CALCRL: variants seen among roughly 807,000 people sequenced by gnomAD.
CALCRL encodes the protein calcitonin gene-related peptide type 1 receptor.
CALCRL carries 27 observed loss-of-function variants against 60.4 expected under a neutral mutation model. The observed-to-expected ratio is 0.45, with a 90% confidence interval of 0.33 to 0.62. CALCRL has a LOEUF of 0.62. Among genes scored for constraint, CALCRL ranks in the 20% least tolerant of loss-of-function variants. CALCRL has a pLI of 0.03. For missense variants in CALCRL, 424 were observed against 540.7 expected, an observed-to-expected ratio of 0.78 and a Z score of 2.14; for synonymous variants, 190 against 182.6, an observed-to-expected ratio of 1.04 and a Z score of -0.33.
chr2:187,438,467 A>G (rs1297040606), intron 1 of CALCRL, among the ~76,000 whole-genome samples: 1 of 152,198 alleles, frequency 6.6e-6, no homozygotes, highest in African/African-American at 2.4e-5. Flanking sequence ...TTTGGCAATT[A>G]AACAGAATTT....
intron 1 of CALCRL, among the ~76,000 whole-genome samples, chr2:187,435,988 G>A (rs1690629064): frequency 6.6e-6 from 1 of 151,856 alleles, no homozygotes; most frequent in African/African-American, 2.4e-5. Flanking sequence ...GAATGATTCA[G>A]ACAGGAAAAA....
intron 1 of CALCRL, among the ~76,000 whole-genome samples, chr2:187,402,963 A>G (rs890559387): frequency 6.6e-6 from 1 of 151,616 alleles, no homozygotes; most frequent in Non-Finnish European, 1.5e-5. Context: ...TCCTTATGAA[A>G]AGAGAAAGAA....
chr2:187,437,334 A>G (rs1325929372), intron 1 of CALCRL, among the ~76,000 whole-genome samples: 10 of 152,316 alleles, frequency 6.6e-5, no homozygotes, highest in African/African-American at 2.4e-4. Flanking sequence ...CGAGATCAGG[A>G]AATCAAGACC....
chr2:187,414,710 C>T (rs1400748714), intron 1 of CALCRL, among the ~76,000 whole-genome samples: 1 of 151,954 alleles, frequency 6.6e-6, no homozygotes, highest in Admixed American at 6.6e-5. Context: ...GAAATACTGA[C>T]ATTGAAGACA....
At chr2:187,370,494 A>G (rs1687473514) in intron 8 of CALCRL, among the ~76,000 whole-genome samples, 1 of 152,212 alleles carries the variant, frequency 6.6e-6, no homozygotes, top group African/African-American at 2.4e-5. Flanking sequence ...ACATTTAATT[A>G]GCTCAAACAG....
intron 1 of CALCRL, among the ~76,000 whole-genome samples, chr2:187,395,813 C>A (rs1428661698): frequency 6.6e-6 from 1 of 151,972 alleles, no homozygotes; most frequent in East Asian, 1.9e-4. Context: ...TCAGTCCCAT[C>A]TCTGTCATTC....
At chr2:187,391,696 C>CA (rs1321222880) in intron 1 of CALCRL, among the ~76,000 whole-genome samples, 1 of 151,928 alleles carries the variant, frequency 6.6e-6, no homozygotes, top group Admixed American at 6.6e-5. Context: ...CTTTACTATG[C>CA]AAAAAGAATT....
At chr2:187,366,731 A>G (rs913185779) in intron 8 of CALCRL, among the ~76,000 whole-genome samples, 4 of 152,086 alleles carry the variant, frequency 2.6e-5, no homozygotes, top group Non-Finnish European at 4.4e-5. Flanking sequence ...ATCCTCTTGT[A>G]TACAGTTAAA....
intron 1 of CALCRL, among the ~76,000 whole-genome samples, chr2:187,408,828 A>G (rs960787799): frequency 3.3e-5 from 5 of 152,144 alleles, no homozygotes; most frequent in African/African-American, 1.2e-4. Flanking sequence ...AATAATATTT[A>G]TAAATGCAGT....
At chr2:187,384,455 T>C (rs1688125220) in intron 4 of CALCRL, among the ~76,000 whole-genome samples, 1 of 152,262 alleles carries the variant, frequency 6.6e-6, no homozygotes, top group Non-Finnish European at 1.5e-5. Context: ...AGTCACAATT[T>C]CTTAATTACA....
At chr2:187,434,405 A>G (rs183964432) in intron 1 of CALCRL, among the ~76,000 whole-genome samples, 78 of 152,288 alleles carry the variant, frequency 5.1e-4, no homozygotes, top group African/African-American at 1.8e-3. Flanking sequence ...GTGACTCATA[A>G]TAAGGAAAAT....
chr2:187,412,817 A>T lies in CALCRL; in HGVS notation c.-292-25061T>A, dbSNP rs550536115. Among the ~76,000 whole-genome samples, 5 of 152,284 alleles carry T rather than the reference A, an allele frequency of 3.3e-5. No individual in the cohort carries two copies. In the South Asian group the frequency reaches 1.0e-3, roughly 32 times the overall value. ...GGTTTTAAAGCCTAGGACATCTCAA[A>T]ATATTTGTCCTTTGGTGACTAATTC... is the stretch of plus-strand genomic sequence containing the variant. On this transcript the variant is annotated intron_variant, in intron 1 of 14. Transcript: ENST00000392370.
chr2:187,383,192 G>A lies in CALCRL; in HGVS notation c.165C>T (p.Asp55=), dbSNP rs1270261326. The A allele has an allele frequency of 3.1e-6, 5 of 1,610,162 alleles. No homozygotes were observed. Among genetic ancestry groups the A allele is most frequent in the Admixed American group, 1.7e-5 (1 of 59,466 alleles). The change falls in exon 5 of 15, where the codon GAC becomes GAT. Residue 55 remains aspartate, a synonymous_variant. Transcript: ENST00000392370. ...QYECYQKIMQ[D]PIQQAEGVYC... is the part of the protein sequence containing the mutation. The stretch of plus-strand genomic sequence containing the variant: ...GCTTACCTTCTGCTTGTTGAATGGG[G>A]TCTTGCATAATCTTTTGGTAACATT...
intron 12 of CALCRL, among the ~76,000 whole-genome samples, chr2:187,356,418 T>A (rs1032276487): frequency 7.2e-5 from 11 of 152,118 alleles, no homozygotes; most frequent in Admixed American, 3.3e-4. Context: ...GGATTCCCTA[T>A]AAAATAAATG....
At chr2:187,438,545 T>A (rs1488255916) in intron 1 of CALCRL, among the ~76,000 whole-genome samples, 1 of 152,156 alleles carries the variant, frequency 6.6e-6, no homozygotes, top group Non-Finnish European at 1.5e-5. Flanking sequence ...CTAAGTTGTT[T>A]TTTTTTTCCT....
intron 1 of CALCRL, among the ~76,000 whole-genome samples, chr2:187,400,638 A>G (rs1203467983): frequency 6.6e-6 from 1 of 151,530 alleles, no homozygotes; most frequent in African/African-American, 2.4e-5. Flanking sequence ...ATATTCATCA[A>G]TTTGTGAATG....
At chr2:187,432,233 A>G (rs1690436775) in intron 1 of CALCRL, among the ~76,000 whole-genome samples, 4 of 152,182 alleles carry the variant, frequency 2.6e-5, no homozygotes, top group African/African-American at 9.6e-5. Context: ...TGTAGTTTAC[A>G]TACATCCTTT....
chr2:187,378,832 A>G, intron 8 of CALCRL, 108 bp downstream of exon 8: 1 of 609,622 alleles, frequency 1.6e-6, no homozygotes, highest in Non-Finnish European at 2.9e-6. Context: ...AAACATTATA[A>G]ATCATCTATA....
chr2:187,378,835 C>T (rs528824736), intron 8 of CALCRL, 105 bp downstream of exon 8: 3 of 619,880 alleles, frequency 4.8e-6, no homozygotes, highest in African/African-American at 3.7e-5. Context: ...CATTATAAAT[C>T]ATCTATATTG....
Sources: gnomAD v4.1 joint callset for allele counts (sites outside exome capture counted in the v4.1 genomes callset) on GRCh38, gnomAD v4.1.1 for gene constraint, MANE v1.5 for transcripts, NCBI Gene and HGNC (gene_info 2026-07-23, HGNC 2026-07-21) for gene names.